The following SEMA5A variants were observed in gnomAD, a reference collection of about 807,000 sequenced individuals.
SEMA5A encodes semaphorin-5A.
SEMA5A carries 55 observed loss-of-function variants against 135.5 expected under a neutral mutation model. That is an observed-to-expected ratio of 0.41 (90% CI 0.33 to 0.51). The LOEUF (loss-of-function observed/expected upper bound fraction) is 0.51. Among genes scored for constraint, SEMA5A ranks in the 20% least tolerant of loss-of-function variants. SEMA5A has a pLI of 0.37. For synonymous variants in SEMA5A, 580 were observed against 546.5 expected, an observed-to-expected ratio of 1.06 and a Z score of -0.85; for missense variants, 1,290 against 1,419.9, an observed-to-expected ratio of 0.91 and a Z score of 1.47.
intron 1 of SEMA5A, among the ~76,000 whole-genome samples, chr5:9,483,879 C>G (rs913802064): frequency 3.3e-5 from 5 of 152,170 alleles, no homozygotes; most frequent in African/African-American, 1.2e-4. Flanking sequence ...AAAAAGCCCA[C>G]TAAAGACACA....
chr5:9,401,228 C>T (rs1033987932), intron 2 of SEMA5A, among the ~76,000 whole-genome samples: 2 of 152,188 alleles, frequency 1.3e-5, no homozygotes, highest in African/African-American at 4.8e-5. Context: ...GGTGGATGAG[C>T]AGTATCCATA....
At chr5:9,493,675 T>C (rs1380379274) in intron 1 of SEMA5A, among the ~76,000 whole-genome samples, 1 of 152,210 alleles carries the variant, frequency 6.6e-6, no homozygotes, top group African/African-American at 2.4e-5. Flanking sequence ...TGTTTTCTCT[T>C]CTTAGAAATG....
intron 16 of SEMA5A, among the ~76,000 whole-genome samples, chr5:9,095,360 A>G (rs1739258833): frequency 6.6e-6 from 1 of 152,208 alleles, no homozygotes; most frequent in African/African-American, 2.4e-5. Context: ...ACAAACCTGC[A>G]CATTCAGCAC....
At chr5:9,180,478 T>C (rs1473426034) in intron 11 of SEMA5A, among the ~76,000 whole-genome samples, 1 of 152,028 alleles carries the variant, frequency 6.6e-6, no homozygotes, top group Non-Finnish European at 1.5e-5. Flanking sequence ...TAATTTCTGG[T>C]GAGAAGGACA....
At chr5:9,504,323 A>G (rs1735757978) in intron 1 of SEMA5A, among the ~76,000 whole-genome samples, 1 of 152,174 alleles carries the variant, frequency 6.6e-6, no homozygotes, top group Non-Finnish European at 1.5e-5. Flanking sequence ...ACCAAGAAAA[A>G]AAGTTTATTT....
chr5:9,040,818 G>A lies in SEMA5A; in HGVS notation c.*2079C>T, dbSNP rs760990102. 4 of 152,148 alleles carry A rather than the reference G, an allele frequency of 2.6e-5. No homozygotes were observed. The highest frequency in any genetic ancestry group is 4.4e-5 in the Non-Finnish European group (3 of 68,032). 9.4% of individuals were successfully genotyped at this position (152,148 alleles called of 1,614,324 possible). A position where few individuals can be genotyped will look rare whatever the true frequency, so the allele number is the denominator to read the frequency against. ...TCCTCTTTACCAGGGAAAATAAAATGTCCCTTTAAGCTTACAAACTATTAG... is the reference window on the plus strand; with the variant it reads ...TCCTCTTTACCAGGGAAAATAAAATATCCCTTTAAGCTTACAAACTATTAG... On this transcript the variant is annotated 3_prime_UTR_variant, in exon 23 of 23. Transcript: ENST00000382496.
At chr5:9,210,173 T>C (rs1034516158) in intron 8 of SEMA5A, among the ~76,000 whole-genome samples, 3 of 152,210 alleles carry the variant, frequency 2.0e-5, no homozygotes, top group African/African-American at 7.2e-5. Flanking sequence ...TACTCATCCC[T>C]TTTCTTTTGG....
At chr5:9,384,619 C>G (rs6861221) in intron 2 of SEMA5A, among the ~76,000 whole-genome samples, 10,981 of 83,398 alleles carry the variant, frequency 0.13, 1,050 homozygotes, top group African/African-American at 0.16. Context: ...TAGATAGATA[C>G]ATAGATAGAT....
intron 1 of SEMA5A, among the ~76,000 whole-genome samples, chr5:9,480,003 G>A (rs773905033): frequency 5.3e-5 from 8 of 152,060 alleles, no homozygotes; most frequent in Non-Finnish European, 1.0e-4. Context: ...TTTTCTCCTC[G>A]TTTAAACCAA....
chr5:9,393,038 T>C (rs1756234783), intron 2 of SEMA5A, among the ~76,000 whole-genome samples: 1 of 152,196 alleles, frequency 6.6e-6, no homozygotes, highest in Admixed American at 6.5e-5. Flanking sequence ...TGCGATGCTA[T>C]AAAATCTCAC....
At chr5:9,238,319 A>G (rs570581508) in intron 5 of SEMA5A, among the ~76,000 whole-genome samples, 2 of 152,326 alleles carry the variant, frequency 1.3e-5, no homozygotes, top group Admixed American at 1.3e-4. Flanking sequence ...TATGTCATTT[A>G]TCAATATTCA....
chr5:9,099,963 T>C (rs1366918076), intron 16 of SEMA5A, among the ~76,000 whole-genome samples: 4 of 152,214 alleles, frequency 2.6e-5, no homozygotes, highest in Non-Finnish European at 5.9e-5. Context: ...TCTCTCTCTA[T>C]GGAGAAGAGA....
chr5:9,220,203 G>A (rs1043719784), intron 8 of SEMA5A, among the ~76,000 whole-genome samples: 4 of 152,144 alleles, frequency 2.6e-5, no homozygotes, highest in East Asian at 3.9e-4. Context: ...GGGACTTGTG[G>A]GAAAGGTTGG....
intron 1 of SEMA5A, among the ~76,000 whole-genome samples, chr5:9,487,683 A>G (rs74430510): frequency 0.015 from 2,339 of 152,272 alleles, 29 homozygotes; most frequent in Non-Finnish European, 0.023. Context: ...CCAAAATGAT[A>G]GGACACCCCT....
chr5:9,122,846 C>T lies in SEMA5A; in HGVS notation c.1600-9G>A. ...ACGGTGAGATTCCTGGTCTAGGAAG[C>T]AAAACCAAGCAGAGGTGTCAGAAAA... On this transcript the variant is annotated splice_polypyrimidine_tract_variant and intron_variant, in intron 13 of 22. Coordinates refer to ENST00000382496, the MANE Select transcript of SEMA5A (RefSeq NM_003966.3). 2 of 1,582,094 alleles carry T rather than the reference C, an allele frequency of 1.3e-6. No individual in the cohort carries two copies. The highest frequency in any genetic ancestry group is 1.7e-6 in the Non-Finnish European group (2 of 1,159,992).
intron 5 of SEMA5A, among the ~76,000 whole-genome samples, chr5:9,267,444 C>T (rs1022478499): frequency 2.0e-5 from 3 of 152,130 alleles, no homozygotes; most frequent in African/African-American, 7.2e-5. Context: ...TGACATCAAT[C>T]ACCCCATACC....
chr5:9,323,633 T>C (rs1369258960), intron 4 of SEMA5A, among the ~76,000 whole-genome samples: 1 of 151,396 alleles, frequency 6.6e-6, no homozygotes, highest in Admixed American at 6.6e-5. Flanking sequence ...AGTTGGTAGG[T>C]GCTTTTAAAT....
chr5:9,478,558 T>C (rs1292153048), intron 1 of SEMA5A, among the ~76,000 whole-genome samples: 1 of 152,076 alleles, frequency 6.6e-6, no homozygotes, highest in African/African-American at 2.4e-5. Flanking sequence ...AGACATGGAG[T>C]CAAAGGAGAT....
chr5:9,148,879 C>T (rs2150246919), intron 12 of SEMA5A, among the ~76,000 whole-genome samples: 1 of 152,250 alleles, frequency 6.6e-6, no homozygotes, highest in African/African-American at 2.4e-5. Flanking sequence ...GCTACCATGT[C>T]CAGCTAATTT....
Sources: gnomAD v4.1 joint callset for allele counts (sites outside exome capture counted in the v4.1 genomes callset) on GRCh38, gnomAD v4.1.1 for gene constraint, MANE v1.5 for transcripts, NCBI Gene and HGNC (gene_info 2026-07-23, HGNC 2026-07-21) for gene names.